The following MTHFD2L variants were observed in gnomAD, a reference collection of about 807,000 sequenced individuals.
The protein encoded by MTHFD2L is bifunctional methylenetetrahydrofolate dehydrogenase/cyclohydrolase 2, mitochondrial.
A neutral mutation model predicts 34.9 loss-of-function variants in MTHFD2L; 29 were observed. The ratio of observed to expected loss-of-function variants is 0.83; its 90% CI spans 0.62 to 1.13. MTHFD2L has a LOEUF of 1.13. MTHFD2L is among the 50% of genes most tolerant of loss of function. The probability of loss-of-function intolerance (pLI) is 0.00; values close to 1 mark genes in which losing one functional copy is unlikely to be tolerated. For missense variants in MTHFD2L, 481 were observed against 446.5 expected (o/e 1.08, Z -0.70); for synonymous variants, 167 against 155.7 (o/e 1.07, Z -0.54).
intron 1 of MTHFD2L, among the ~76,000 whole-genome samples, chr4:74,133,629 T>C (rs1441320690): frequency 1.3e-5 from 2 of 152,188 alleles, no homozygotes; most frequent in Non-Finnish European, 2.9e-5. Flanking sequence ...ATTCAGCAAA[T>C]GTGGTTCTCC....
At chr4:74,234,517 T>C (rs949930450) in intron 6 of MTHFD2L, among the ~76,000 whole-genome samples, 1 of 152,116 alleles carries the variant, frequency 6.6e-6, no homozygotes, top group Non-Finnish European at 1.5e-5. Flanking sequence ...ATATTGCTAT[T>C]ATGAACAGTT....
intron 6 of MTHFD2L, among the ~76,000 whole-genome samples, chr4:74,236,339 A>G (rs1282648244): frequency 6.6e-6 from 1 of 152,172 alleles, no homozygotes; most frequent in East Asian, 1.9e-4. Flanking sequence ...TTATGGCTTG[A>G]TTTTTTGATT....
intron 5 of MTHFD2L, among the ~76,000 whole-genome samples, chr4:74,210,446 A>G (rs1578478368): frequency 6.6e-6 from 1 of 152,324 alleles, no homozygotes; most frequent in East Asian, 1.9e-4. Context: ...TTAAATAGGG[A>G]ATCCTTTCCC....
intron 6 of MTHFD2L, among the ~76,000 whole-genome samples, chr4:74,277,083 T>C (rs1478137695): frequency 6.6e-6 from 1 of 151,690 alleles, no homozygotes; most frequent in Non-Finnish European, 1.5e-5. Context: ...AGGAGCAAAA[T>C]GGGTCCCAGT....
chr4:74,170,342 A>G (rs1380013564), intron 1 of MTHFD2L, among the ~76,000 whole-genome samples: 1 of 152,218 alleles, frequency 6.6e-6, no homozygotes, highest in African/African-American at 2.4e-5. Flanking sequence ...ATCAGTTACC[A>G]TATTAACAGA....
At chr4:74,155,749 A>G (rs558241532), upstream of MTHFD2L, among the ~76,000 whole-genome samples, 325 of 152,168 alleles carry the variant, frequency 2.1e-3, no homozygotes, top group Non-Finnish European at 3.3e-3. Context: ...ATGAGGTAGC[A>G]TGGATTCACC....
chr4:74,244,020 T>C (rs1334387186), intron 6 of MTHFD2L, among the ~76,000 whole-genome samples: 1 of 152,232 alleles, frequency 6.6e-6, no homozygotes, highest in African/African-American at 2.4e-5. Context: ...TATTACATGT[T>C]TAAGGTTGGG....
At chr4:74,170,434 C>T (rs998777176) in intron 1 of MTHFD2L, among the ~76,000 whole-genome samples, 1 of 152,130 alleles carries the variant, frequency 6.6e-6, no homozygotes, top group African/African-American at 2.4e-5. Flanking sequence ...TCTCACCAAA[C>T]TAAAAATAGA....
At chr4:74,232,840 C>A (rs1740282100) in intron 6 of MTHFD2L, among the ~76,000 whole-genome samples, 1 of 152,152 alleles carries the variant, frequency 6.6e-6, no homozygotes, top group Non-Finnish European at 1.5e-5. Context: ...AAACAGACTT[C>A]TAATGACTCT....
chr4:74,221,813 TTTTTC>T (rs1218693895), intron 5 of MTHFD2L, among the ~76,000 whole-genome samples: 3 of 149,108 alleles, frequency 2.0e-5, no homozygotes, highest in South Asian at 2.1e-4. Context: ...TTTTTACAGT[TTTTTC>T]TTTGTGCATT....
intron 6 of MTHFD2L, among the ~76,000 whole-genome samples, chr4:74,240,313 A>G (rs1168171036): frequency 6.6e-6 from 1 of 152,210 alleles, no homozygotes. Context: ...CTTGTTAACT[A>G]ACATTATCTC....
At chr4:74,272,330 A>C (rs1389530015) in intron 6 of MTHFD2L, among the ~76,000 whole-genome samples, 1 of 152,172 alleles carries the variant, frequency 6.6e-6, no homozygotes, top group Non-Finnish European at 1.5e-5. Context: ...TGTTTATTCC[A>C]AGGGGACTGT....
chr4:74,241,486 T>A, intron 6 of MTHFD2L: 1 of 298,868 alleles, frequency 3.3e-6, no homozygotes, highest in South Asian at 2.8e-5. Flanking sequence ...CTTGACCTCC[T>A]GGGCCCAAGT....
chr4:74,298,381 G>A (rs1023895955), intron 7 of MTHFD2L, among the ~76,000 whole-genome samples: 2 of 152,046 alleles, frequency 1.3e-5, no homozygotes, highest in African/African-American at 4.8e-5. Flanking sequence ...GTGAATATGT[G>A]TTGGTTTCCA....
chr4:74,192,843 A>G (rs999427297), intron 3 of MTHFD2L, among the ~76,000 whole-genome samples: 2 of 152,016 alleles, frequency 1.3e-5, no homozygotes, highest in African/African-American at 4.8e-5. Context: ...ATCTGGTTAC[A>G]AGTTCTTTAA....
At chr4:74,179,450 A>C (rs760215969) in intron 3 of MTHFD2L, among the ~76,000 whole-genome samples, 1 of 152,104 alleles carries the variant, frequency 6.6e-6, no homozygotes, top group African/African-American at 2.4e-5. Flanking sequence ...GATTAAAGAC[A>C]TATTAAATAT....
chr4:74,186,524 C>T (rs1406771713), intron 3 of MTHFD2L, among the ~76,000 whole-genome samples: 1 of 148,010 alleles, frequency 6.8e-6, no homozygotes, highest in Non-Finnish European at 1.5e-5. Flanking sequence ...ATAGAGGAAT[C>T]GATTTTTATT....
At chr4:74,301,267 G>T (rs1413765237) in intron 7 of MTHFD2L, among the ~76,000 whole-genome samples, 3 of 152,018 alleles carry the variant, frequency 2.0e-5, no homozygotes, top group Non-Finnish European at 4.4e-5. Flanking sequence ...CATACATTGT[G>T]ATATTGTTAT....
At chr4:74,216,641 T>C (rs1204111157) in intron 5 of MTHFD2L, among the ~76,000 whole-genome samples, 4 of 151,766 alleles carry the variant, frequency 2.6e-5, no homozygotes, top group Non-Finnish European at 5.9e-5. Context: ...CTCAATCTTA[T>C]ATGCAAACCT....
Sources: gnomAD v4.1 joint callset for allele counts (sites outside exome capture counted in the v4.1 genomes callset) on GRCh38, gnomAD v4.1.1 for gene constraint, MANE v1.5 for transcripts, NCBI Gene and HGNC (gene_info 2026-07-23, HGNC 2026-07-21) for gene names.